Variants in UNC80 observed in about 807,000 individuals in gnomAD.
UNC80 encodes the protein protein unc-80 homolog.
UNC80 carries 164 observed loss-of-function variants against 384.6 expected under a neutral mutation model. The observed-to-expected ratio is 0.43, with a 90% confidence interval of 0.38 to 0.49. UNC80 has a LOEUF of 0.49. Among genes scored for constraint, UNC80 ranks in the 20% least tolerant of loss-of-function variants. The pLI, the probability that UNC80 is intolerant of heterozygous loss-of-function variation, is 0.00. For missense variants in UNC80, 3,330 were observed against 4,143.0 expected, an observed-to-expected ratio of 0.80 and a Z score of 5.39; for synonymous variants, 1,486 against 1,527.8, an observed-to-expected ratio of 0.97 and a Z score of 0.64.
rs554657345 is a variant in UNC80 at position 209,901,855 on chromosome 2, G to A, written c.4582-2910G>A. The stretch of plus-strand genomic sequence containing the variant: ...GAGGCAGGAGAATGGCATGAACCCG[G>A]GAGGCGAAGCTTGCAGTGAGCCGAG... On this transcript the variant is annotated intron_variant, in intron 28 of 64. Transcript: ENST00000673920. 6.6e-5 allele frequency among the ~76,000 whole-genome samples: 10 copies of A among 152,118 alleles called. No homozygotes were observed. The South Asian group carries it at 1.9e-3, about 28-fold the overall frequency.
At chr2:209,779,456 C>T (rs541750065) in intron 4 of UNC80, among the ~76,000 whole-genome samples, 3 of 152,006 alleles carry the variant, frequency 2.0e-5, no homozygotes, top group African/African-American at 7.3e-5. Context: ...TGGCTACTCT[C>T]GAGCAACTAG....
intron 7 of UNC80, among the ~76,000 whole-genome samples, chr2:209,804,695 G>A (rs968287506): frequency 6.0e-5 from 9 of 150,392 alleles, no homozygotes; most frequent in Non-Finnish European, 8.9e-5. Flanking sequence ...ATATATATAT[G>A]TAAAAAAGTT....
At position 209,954,105 on chromosome 2, in the gene UNC80, A is replaced by G. The variant is rs2092311294; in HGVS notation, c.7292A>G (p.Gln2431Arg). 2 of 1,545,924 alleles carry G rather than the reference A, an allele frequency of 1.3e-6. No homozygotes were observed. The highest frequency in any genetic ancestry group is 1.7e-6 in the Non-Finnish European group (2 of 1,145,650). The part of the protein sequence containing the change: ...AYAPESFRSL[Q>R]MLMVLEALVP... The stretch of plus-strand genomic sequence containing the variant: ...TTTCTTTCTGTCGCTTAAAGTCTTC[A>G]GATGCTGATGGTCTTAGAAGCCTTA... The change falls in exon 48 of 65, where the codon CAG (glutamine) becomes CGG (arginine). Residue 2431 changes from glutamine (Q) to arginine (R), a missense_variant. Transcript: ENST00000673920.
intron 22 of UNC80, among the ~76,000 whole-genome samples, chr2:209,865,959 CTTAA>C (rs923837364): frequency 1.3e-5 from 2 of 152,168 alleles, no homozygotes; most frequent in Non-Finnish European, 2.9e-5. Flanking sequence ...TCCTTTCTGG[CTTAA>C]TTGACAATCC....
intron 51 of UNC80, chr2:209,961,373 T>G (rs2092586010): frequency 6.6e-6 from 1 of 152,196 alleles, no homozygotes; most frequent in Admixed American, 6.5e-5. Context: ...TCTTCAAGAT[T>G]ATCACGGTTC....
At chr2:209,986,806 T>G (rs1469113853) in intron 61 of UNC80, among the ~76,000 whole-genome samples, 2 of 152,220 alleles carry the variant, frequency 1.3e-5, no homozygotes, top group Non-Finnish European at 1.5e-5. Context: ...AAATTGTATC[T>G]CTTGAACTAC....
intron 48 of UNC80, among the ~76,000 whole-genome samples, chr2:209,956,081 C>T (rs986145263): frequency 2.6e-5 from 4 of 152,030 alleles, no homozygotes; most frequent in African/African-American, 9.7e-5. Context: ...AAGCTTTCCT[C>T]ATTTCTATAC....
At chr2:209,821,517 A>T (rs1026787214) in intron 13 of UNC80, among the ~76,000 whole-genome samples, 4 of 152,242 alleles carry the variant, frequency 2.6e-5, no homozygotes, top group African/African-American at 9.6e-5. Flanking sequence ...AGGGGAAAGC[A>T]AGAGAAGAAT....
At chr2:209,842,291 C>A (rs1422412144) in intron 20 of UNC80, 59 bp from the exon 21 acceptor site, 1 of 1,288,568 alleles carries the variant, frequency 7.8e-7, no homozygotes, top group Non-Finnish European at 1.1e-6. Context: ...GTTGATCTAA[C>A]CACAAAGATT....
intron 25 of UNC80, among the ~76,000 whole-genome samples, chr2:209,881,837 T>C (rs1172519568): frequency 6.6e-6 from 1 of 152,218 alleles, no homozygotes; most frequent in East Asian, 1.9e-4. Context: ...CCAGTGGTTC[T>C]TTCATCACAG....
At chr2:209,936,670 A>C (rs908415035) in intron 40 of UNC80, among the ~76,000 whole-genome samples, 174 bp from the exon 41 acceptor site, 3 of 151,696 alleles carry the variant, frequency 2.0e-5, no homozygotes, top group African/African-American at 7.3e-5. Flanking sequence ...ATGTGTATAC[A>C]CATATACACA....
chr2:209,946,659 T>C (rs2124985183), intron 47 of UNC80, among the ~76,000 whole-genome samples: 1 of 152,304 alleles, frequency 6.6e-6, no homozygotes, highest in South Asian at 2.1e-4. Context: ...CAATCTTGCC[T>C]TCATTTTGCC....
chr2:209,930,006 G>C, intron 37 of UNC80, 35 bp downstream of exon 37: 1 of 1,436,688 alleles, frequency 7.0e-7, no homozygotes. Context: ...TAGCTCTGTG[G>C]CTACAAGTGT....
intron 38 of UNC80, among the ~76,000 whole-genome samples, chr2:209,932,854 C>G (rs546453912): frequency 6.6e-6 from 1 of 152,218 alleles, no homozygotes; most frequent in African/African-American, 2.4e-5. Flanking sequence ...TGCACTTTAA[C>G]CCATAGGACT....
chr2:209,802,300 T>C (rs1015706746), intron 7 of UNC80, among the ~76,000 whole-genome samples: 5 of 152,062 alleles, frequency 3.3e-5, no homozygotes, highest in African/African-American at 1.2e-4. Flanking sequence ...AAAGAGCAGG[T>C]TTTAAATATT....
At chr2:209,966,201 T>C (rs2092737543) in intron 51 of UNC80, among the ~76,000 whole-genome samples, 1 of 152,204 alleles carries the variant, frequency 6.6e-6, no homozygotes. Context: ...TAACTTAATG[T>C]ATTACCCTTC....
chr2:209,871,930 A>C (rs1436143772), intron 22 of UNC80, among the ~76,000 whole-genome samples: 3 of 151,426 alleles, frequency 2.0e-5, no homozygotes, highest in African/African-American at 7.3e-5. Context: ...AATTAAAACC[A>C]TGCCTATTTA....
Position 209,994,611 on chromosome 2 carries a change from A to T in UNC80, c.9708+347A>T, listed in dbSNP as rs553017409. Among the ~76,000 whole-genome samples the T allele has an allele frequency of 2.6e-5, 4 of 152,316 alleles. No homozygotes were observed. The South Asian group carries it at 8.3e-4, about 32-fold the overall frequency. On this transcript the variant is annotated intron_variant, in intron 64 of 64. Coordinates refer to ENST00000673920, the MANE Select transcript of UNC80 (RefSeq NM_001371986.1). ...TTTCAGAAAAATTTGAAACTTTGTA[A>T]GTGCTGATGTAATATTCAAAGTTCA...
At chr2:209,913,101 C>T (rs989983481) in intron 30 of UNC80, among the ~76,000 whole-genome samples, 4 of 152,128 alleles carry the variant, frequency 2.6e-5, no homozygotes, top group Non-Finnish European at 5.9e-5. Flanking sequence ...AGACCTGTCC[C>T]AAGGAATTAT....
Sources: gnomAD v4.1 joint callset for allele counts (sites outside exome capture counted in the v4.1 genomes callset) on GRCh38, gnomAD v4.1.1 for gene constraint, MANE v1.5 for transcripts, NCBI Gene and HGNC (gene_info 2026-07-23, HGNC 2026-07-21) for gene names.